RAB38: variants seen among roughly 807,000 people sequenced by gnomAD.
The protein encoded by RAB38 is ras-related protein Rab-38.
RAB38 carries 15 observed loss-of-function variants against 18.4 expected under a neutral mutation model. The ratio of observed to expected loss-of-function variants is 0.82; its 90% CI spans 0.55 to 1.26. The LOEUF is 1.26. RAB38 is among the 50% of genes most tolerant of loss of function. The pLI is 0.00. For synonymous variants in RAB38, 101 were observed against 104.4 expected (o/e 0.97, Z 0.20); for missense variants, 294 against 267.4 (o/e 1.10, Z -0.69).
At chr11:87,874,634 A>C in the RAB38 span, among the ~76,000 whole-genome samples, 1 of 150,728 alleles carries the variant, frequency 6.6e-6, no homozygotes, top group Non-Finnish European at 1.5e-5. Flanking sequence ...TGTACCCTAG[A>C]ACTTAAAGTA....
At chr11:87,974,140 G>C in the RAB38 span, among the ~76,000 whole-genome samples, 1 of 151,882 alleles carries the variant, frequency 6.6e-6, no homozygotes, top group South Asian at 2.1e-4. Context: ...TCAAGCAAAA[G>C]AAGTCAGAAG....
At chr11:87,978,050 T>C in the RAB38 span, among the ~76,000 whole-genome samples, 1 of 105,538 alleles carries the variant, frequency 9.5e-6, no homozygotes, top group Non-Finnish European at 1.8e-5. Flanking sequence ...ACATCTATTT[T>C]TATCATATAT....
At chr11:87,858,334 T>C in the RAB38 span, among the ~76,000 whole-genome samples, 1 of 152,098 alleles carries the variant, frequency 6.6e-6, no homozygotes, top group Non-Finnish European at 1.5e-5. Flanking sequence ...TTCTTTTCTT[T>C]GGGGCTCTCT....
At chr11:88,045,376 G>A in the RAB38 span, among the ~76,000 whole-genome samples, 4 of 152,214 alleles carry the variant, frequency 2.6e-5, no homozygotes, top group Admixed American at 1.3e-4. Context: ...ACAAACCCCA[G>A]CCATATCTCC....
chr11:88,111,149 G>T (rs1029984517), downstream of RAB38, among the ~76,000 whole-genome samples: 1 of 152,042 alleles, frequency 6.6e-6, no homozygotes, highest in Non-Finnish European at 1.5e-5. Flanking sequence ...AAGGTTCATT[G>T]CATAGTGCAA....
At chr11:88,169,722 G>C (rs16913587) in intron 1 of RAB38, among the ~76,000 whole-genome samples, 35,670 of 152,080 alleles carry the variant, frequency 0.23, 4,233 homozygotes, top group Admixed American at 0.26. Context: ...CACTAGCCTT[G>C]AGGTTTTGTC....
the RAB38 span, among the ~76,000 whole-genome samples, chr11:88,020,054 T>C: frequency 6.6e-6 from 1 of 152,106 alleles, no homozygotes; most frequent in South Asian, 2.1e-4. Context: ...GGTAAATGAG[T>C]CTTTGAGACA....
chr11:88,076,792 A>G, the RAB38 span, among the ~76,000 whole-genome samples: 682 of 112,346 alleles, frequency 6.1e-3, 2 homozygotes, highest in African/African-American at 0.018. Context: ...TACTTAAAAT[A>G]CAAAAAAAAA....
chr11:87,969,908 C>T, the RAB38 span, among the ~76,000 whole-genome samples: 2 of 152,212 alleles, frequency 1.3e-5, no homozygotes, highest in South Asian at 4.1e-4. Context: ...GAAACAGCCC[C>T]ATATTTGAGG....
chr11:87,963,562 A>G, the RAB38 span, among the ~76,000 whole-genome samples: 24 of 152,162 alleles, frequency 1.6e-4, no homozygotes, highest in African/African-American at 5.8e-4. Context: ...ATAATGAAAT[A>G]TGTTATCAAA....
the RAB38 span, among the ~76,000 whole-genome samples, chr11:87,969,410 G>A: frequency 2.6e-5 from 4 of 152,082 alleles, no homozygotes; most frequent in African/African-American, 9.7e-5. Flanking sequence ...GGTGGCAGTA[G>A]GTTGACTATT....
At chr11:88,052,921 T>TC in the RAB38 span, among the ~76,000 whole-genome samples, 500 of 25,340 alleles carry the variant, frequency 0.02, 23 homozygotes, top group African/African-American at 0.08. Context: ...TATATATATA[T>TC]ATATATATAT....
At chr11:87,939,853 C>G in the RAB38 span, among the ~76,000 whole-genome samples, 2 of 152,120 alleles carry the variant, frequency 1.3e-5, no homozygotes, top group African/African-American at 2.4e-5. Flanking sequence ...GAGCGTGCCA[C>G]TATACCCCAG....
At chr11:88,122,417 A>T (rs1174209324) in intron 2 of RAB38, among the ~76,000 whole-genome samples, 1 of 152,240 alleles carries the variant, frequency 6.6e-6, no homozygotes, top group Non-Finnish European at 1.5e-5. Context: ...GTTTAGCCAG[A>T]CTTAACAAAC....
At chr11:87,902,639 A>G in the RAB38 span, among the ~76,000 whole-genome samples, 1 of 151,516 alleles carries the variant, frequency 6.6e-6, no homozygotes, top group African/African-American at 2.4e-5. Flanking sequence ...GAATAATTCT[A>G]AATTATGAAT....
chr11:87,896,522 T>C, the RAB38 span, among the ~76,000 whole-genome samples: 3 of 151,518 alleles, frequency 2.0e-5, no homozygotes, highest in Admixed American at 2.0e-4. Context: ...AAACTCCAAC[T>C]CTCCATTAAT....
At chr11:87,885,727 C>T in the RAB38 span, among the ~76,000 whole-genome samples, 1 of 151,952 alleles carries the variant, frequency 6.6e-6, no homozygotes, top group Non-Finnish European at 1.5e-5. Context: ...TTTGTTTCTT[C>T]TTAAAGCAGT....
the RAB38 span, among the ~76,000 whole-genome samples, chr11:87,903,273 T>C: frequency 6.6e-6 from 1 of 151,470 alleles, no homozygotes; most frequent in South Asian, 2.1e-4. Flanking sequence ...TCTAGGCATA[T>C]TTTTATAAAT....
the RAB38 span, among the ~76,000 whole-genome samples, chr11:87,846,938 C>T: frequency 6.6e-5 from 10 of 152,054 alleles, no homozygotes; most frequent in South Asian, 2.1e-4. Context: ...CATGGGTCAA[C>T]GCCCAATTAC....
Sources: gnomAD v4.1 joint callset for allele counts (sites outside exome capture counted in the v4.1 genomes callset) on GRCh38, gnomAD v4.1.1 for gene constraint, MANE v1.5 for transcripts, NCBI Gene and HGNC (gene_info 2026-07-23, HGNC 2026-07-21) for gene names.